CA10: variants seen among roughly 807,000 people sequenced by gnomAD.
The protein encoded by CA10 is carbonic anhydrase-related protein 10.
A neutral mutation model predicts 44.2 loss-of-function variants in CA10; 14 were observed. The observed-to-expected ratio is 0.32, with a 90% CI of 0.21 to 0.50. The LOEUF is 0.50. Ranked by LOEUF, CA10 falls within the 20% of genes least tolerant of loss-of-function variation. CA10 has a pLI of 0.99. For missense variants in CA10, 350 were observed against 409.7 expected (o/e 0.85, Z 1.26); for synonymous variants, 159 against 141.6 (o/e 1.12, Z -0.87).
At chr17:51,679,981 C>T (rs1914784728) in intron 4 of CA10, among the ~76,000 whole-genome samples, 1 of 152,132 alleles carries the variant, frequency 6.6e-6, no homozygotes, top group African/African-American at 2.4e-5. Flanking sequence ...AACAGTCACC[C>T]CTATTTGTTT....
At position 52,051,344 on chromosome 17, in the gene CA10, T is replaced by C. The variant is rs1277211930; in HGVS notation, c.136+20975A>G. On this transcript the variant is annotated intron_variant, in intron 2 of 8. Coordinates refer to ENST00000451037, the MANE Select transcript of CA10 (RefSeq NM_020178.5). ...AACTTCTGCACAGCAAAAGAAACTATCAACAGAGAAACCAGACAACCTACA... is the reference window on the plus strand; with the variant it reads ...AACTTCTGCACAGCAAAAGAAACTACCAACAGAGAAACCAGACAACCTACA... Among the ~76,000 whole-genome samples the C allele has an allele frequency of 8.6e-5, 13 of 150,814 alleles. No individual in the cohort carries two copies. The South Asian group carries it at 1.0e-3, about 12-fold the overall frequency.
chr17:52,005,012 A>G (rs1598162029), intron 2 of CA10, among the ~76,000 whole-genome samples: 1 of 151,916 alleles, frequency 6.6e-6, no homozygotes, highest in Non-Finnish European at 1.5e-5. Context: ...TTAAGAAATA[A>G]GACCCTCAAG....
intron 4 of CA10, among the ~76,000 whole-genome samples, chr17:51,743,199 T>C (rs1598021846): frequency 6.6e-6 from 1 of 152,342 alleles, no homozygotes; most frequent in Admixed American, 6.5e-5. Context: ...GATTTTTAAA[T>C]GAACTTGTCT....
rs186877178 is a variant in CA10, at chr17:52,027,277, A to G, written c.136+45042T>C. 1.2e-3 allele frequency among the ~76,000 whole-genome samples: 184 copies of G among 152,180 alleles called. 3 individuals carry two copies. In the South Asian group the frequency reaches 0.022, roughly 18 times the overall value. On this transcript the variant is annotated intron_variant, in intron 2 of 8. Coordinates refer to ENST00000451037, the MANE Select transcript of CA10 (RefSeq NM_020178.5). ...AGTCATGGGGAGTGGCTGTAAATGC[A>G]GATGAAGCTTCCCTCACTCACCTGT... is the stretch of plus-strand genomic sequence containing the variant.
At chr17:52,078,869 C>G (rs973413781) in intron 1 of CA10, among the ~76,000 whole-genome samples, 1 of 152,204 alleles carries the variant, frequency 6.6e-6, no homozygotes, top group Non-Finnish European at 1.5e-5. Flanking sequence ...TCTGTGCACT[C>G]TCTGTATTAT....
chr17:51,910,649 T>G (rs1266684417), intron 3 of CA10, among the ~76,000 whole-genome samples: 1 of 152,102 alleles, frequency 6.6e-6, no homozygotes, highest in African/African-American at 2.4e-5. Flanking sequence ...CAAAGGGAAA[T>G]GGACAACGTA....
intron 3 of CA10, among the ~76,000 whole-genome samples, chr17:51,871,151 T>A (rs1979791893): frequency 1.4e-5 from 2 of 147,186 alleles, no homozygotes; most frequent in African/African-American, 5.0e-5. Context: ...CTCTGCTTCC[T>A]GGGTTCAAGC....
At chr17:52,076,931 T>C (rs1314600263) in intron 1 of CA10, among the ~76,000 whole-genome samples, 1 of 152,148 alleles carries the variant, frequency 6.6e-6, no homozygotes, top group Non-Finnish European at 1.5e-5. Flanking sequence ...TGGATCAGAA[T>C]TTTTTAATGT....
intron 2 of CA10, among the ~76,000 whole-genome samples, chr17:51,941,276 A>C (rs1180031197): frequency 6.6e-6 from 1 of 152,158 alleles, no homozygotes; most frequent in Admixed American, 6.6e-5. Flanking sequence ...TCTGAGAATT[A>C]AGCCTCCTGA....
Position 51,631,605 on chromosome 17 carries a change from T to C in CA10, c.966A>G (p.Val322=). Residue 322 remains valine, a splice_region_variant and synonymous_variant, in exon 9 of 9, where the codon GTA becomes GTG. Coordinates refer to ENST00000451037, the MANE Select transcript of CA10 (RefSeq NM_020178.5). ...NNRAQKLQYR[V]NEWLLK ...TTCCCTACTTGAGGAGCCATTCATT[T>C]ACTGCAAAGAGAGAGAAAGAAAAAA... 1 of 1,612,262 alleles carries C rather than the reference T, an allele frequency of 6.2e-7. No homozygotes were observed. Among genetic ancestry groups the C allele is most frequent in the East Asian group, 2.2e-5 (1 of 44,848 alleles).
At chr17:51,830,207 A>AT (rs1908184452) in intron 3 of CA10, among the ~76,000 whole-genome samples, 1 of 151,362 alleles carries the variant, frequency 6.6e-6, no homozygotes, top group Non-Finnish European at 1.5e-5. Context: ...AAAAAAAAAA[A>AT]AAAAAAAAAG....
At chr17:51,731,726 G>A (rs1224169650) in intron 4 of CA10, among the ~76,000 whole-genome samples, 1 of 151,192 alleles carries the variant, frequency 6.6e-6, no homozygotes, top group Non-Finnish European at 1.5e-5. Flanking sequence ...TGCCGAGGCT[G>A]GAGTATGGTG....
chr17:52,012,826 T>TAA (rs5820898), intron 2 of CA10, among the ~76,000 whole-genome samples: 23 of 150,000 alleles, frequency 1.5e-4, no homozygotes, highest in African/African-American at 5.4e-4. Context: ...GTGTTAATTA[T>TAA]AAAAAAAAAA....
chr17:51,961,153 T>A (rs1303886227), intron 2 of CA10, among the ~76,000 whole-genome samples: 2 of 149,824 alleles, frequency 1.3e-5, no homozygotes, highest in African/African-American at 4.9e-5. Flanking sequence ...ATTAGCCAAT[T>A]TCCTGCCCCT....
chr17:51,761,513 C>A (rs1214410741), intron 3 of CA10: 4 of 152,040 alleles, frequency 2.6e-5, no homozygotes, highest in Admixed American at 2.6e-4. Context: ...AAGTGGGAAA[C>A]CTTTTGTTCA....
chr17:52,047,187 G>A (rs555206827), intron 2 of CA10, among the ~76,000 whole-genome samples: 2 of 152,056 alleles, frequency 1.3e-5, no homozygotes, highest in African/African-American at 4.8e-5. Flanking sequence ...AACTTTAAAA[G>A]CACCATGCTA....
chr17:51,948,028 A>G (rs1598133890), intron 2 of CA10, among the ~76,000 whole-genome samples: 1 of 152,146 alleles, frequency 6.6e-6, no homozygotes, highest in African/African-American at 2.4e-5. Context: ...ATCCATCTTC[A>G]ACTTGCTAGT....
intron 3 of CA10, among the ~76,000 whole-genome samples, chr17:51,809,212 A>G (rs1907258004): frequency 6.6e-6 from 1 of 152,198 alleles, no homozygotes; most frequent in Admixed American, 6.5e-5. Context: ...CCTTGAAATC[A>G]GTTTTCTCAT....
At chr17:51,708,927 A>G (rs1449695473) in intron 4 of CA10, among the ~76,000 whole-genome samples, 1 of 152,146 alleles carries the variant, frequency 6.6e-6, no homozygotes, top group African/African-American at 2.4e-5. Context: ...CATCTTCCCA[A>G]CTTCTGAGAT....
Sources: gnomAD v4.1 joint callset for allele counts (sites outside exome capture counted in the v4.1 genomes callset) on GRCh38, gnomAD v4.1.1 for gene constraint, MANE v1.5 for transcripts, NCBI Gene and HGNC (gene_info 2026-07-23, HGNC 2026-07-21) for gene names.